Variants in SORCS2 observed in about 807,000 individuals in gnomAD.
SORCS2 encodes sortilin related VPS10 domain containing receptor 2, also known as VPS10 domain-containing receptor SorCS2.
A neutral mutation model predicts 141.6 loss-of-function variants in SORCS2; 100 were observed. The ratio of observed to expected loss-of-function variants is 0.71; its 90% confidence interval spans 0.60 to 0.83. The LOEUF is 0.83. Among genes scored for constraint, SORCS2 ranks in the 40% least tolerant of loss-of-function variants. SORCS2 has a pLI of 0.00. For missense variants in SORCS2, 1,646 were observed against 1,560.2 expected (o/e 1.05, Z -0.93); for synonymous variants, 789 against 676.9 (o/e 1.17, Z -2.57).
chr4:7,505,554 T>G (rs1732226702), intron 2 of SORCS2, among the ~76,000 whole-genome samples: 1 of 152,140 alleles, frequency 6.6e-6, no homozygotes, highest in Non-Finnish European at 1.5e-5. Flanking sequence ...CTGTCTCTCC[T>G]TTCTGCATAA....
intron 17 of SORCS2, among the ~76,000 whole-genome samples, chr4:7,716,499 C>T (rs1483685544): frequency 6.6e-6 from 1 of 152,120 alleles, no homozygotes; most frequent in East Asian, 1.9e-4. Flanking sequence ...CATTCAGTTA[C>T]CCATCCATCC....
chr4:7,257,492 G>A (rs1336532195), intron 1 of SORCS2, among the ~76,000 whole-genome samples: 1 of 152,130 alleles, frequency 6.6e-6, no homozygotes, highest in Non-Finnish European at 1.5e-5. Context: ...GCTCTTCCAG[G>A]CAGGGAGCCC....
At chr4:7,726,568 T>G (rs145629398) in intron 20 of SORCS2, among the ~76,000 whole-genome samples, 28,427 of 151,946 alleles carry the variant, frequency 0.19, 3,230 homozygotes, top group Admixed American at 0.35. Context: ...AACAAGACTC[T>G]GTCTCAAAAT....
At chr4:7,697,399 C>T (rs1370003485) in intron 12 of SORCS2, 125 bp downstream of exon 12, 2 of 839,990 alleles carry the variant, frequency 2.4e-6, no homozygotes, top group Non-Finnish European at 3.6e-6. Context: ...GCCATGTCTC[C>T]CATCTTGCAG....
At chr4:7,503,239 C>CATAT in intron 2 of SORCS2, among the ~76,000 whole-genome samples, 1 of 152,296 alleles carries the variant, frequency 6.6e-6, no homozygotes, top group East Asian at 1.9e-4. Flanking sequence ...AAAAGCCACA[C>CATAT]ATATATATGT....
intron 10 of SORCS2, among the ~76,000 whole-genome samples, chr4:7,685,344 G>A (rs1238782918): frequency 1.3e-5 from 2 of 152,136 alleles, no homozygotes; most frequent in Non-Finnish European, 2.9e-5. Context: ...AGAGCCAAGT[G>A]CATGGAGCCC....
chr4:7,296,297 C>T (rs1185059734), intron 1 of SORCS2, among the ~76,000 whole-genome samples: 1 of 152,232 alleles, frequency 6.6e-6, no homozygotes, highest in Non-Finnish European at 1.5e-5. Context: ...GCACTGTGTA[C>T]CCTGATTTTC....
intron 3 of SORCS2, among the ~76,000 whole-genome samples, chr4:7,547,944 C>T (rs964233492): frequency 6.6e-6 from 1 of 152,178 alleles, no homozygotes; most frequent in Non-Finnish European, 1.5e-5. Flanking sequence ...TGCCACGGCC[C>T]ACATGTCTGA....
chr4:7,724,619 G>T (rs1248784538), intron 19 of SORCS2, among the ~76,000 whole-genome samples: 3 of 61,628 alleles, frequency 4.9e-5, no homozygotes, highest in East Asian at 7.8e-4. Flanking sequence ...GTGCTGGTGA[G>T]GATGGTGATG....
intron 17 of SORCS2, among the ~76,000 whole-genome samples, chr4:7,715,855 C>T (rs1025986936): frequency 1.4e-4 from 22 of 152,208 alleles, no homozygotes; most frequent in African/African-American, 5.3e-4. Flanking sequence ...CCACTCCTGA[C>T]CCCGAGCCTG....
intron 8 of SORCS2, among the ~76,000 whole-genome samples, chr4:7,671,085 A>AT (rs1722772397): frequency 6.6e-6 from 1 of 152,228 alleles, no homozygotes; most frequent in South Asian, 2.1e-4. Flanking sequence ...ATGCCCAGGG[A>AT]AAAGCAGAGG....
chr4:7,718,299 GT>G, intron 18 of SORCS2, 116 bp downstream of exon 18: 1 of 1,200,178 alleles, frequency 8.3e-7, no homozygotes, highest in East Asian at 2.7e-5. Flanking sequence ...TCAGGGCATC[GT>G]CATCAGCCAG....
chr4:7,479,412 G>A (rs1381874517), intron 2 of SORCS2, among the ~76,000 whole-genome samples: 1 of 152,124 alleles, frequency 6.6e-6, no homozygotes, highest in African/African-American at 2.4e-5. Context: ...AAACAAACCT[G>A]CTCCAATTAG....
At chr4:7,466,511 A>T (rs997705968) in intron 2 of SORCS2, among the ~76,000 whole-genome samples, 1 of 152,162 alleles carries the variant, frequency 6.6e-6, no homozygotes, top group Admixed American at 6.5e-5. Flanking sequence ...AGACTGTGTC[A>T]TCTCTAACAC....
chr4:7,387,969 T>TGCACACACACAC (rs1256667647), intron 1 of SORCS2, among the ~76,000 whole-genome samples: 14 of 84,308 alleles, frequency 1.7e-4, no homozygotes, highest in Admixed American at 6.4e-4. Context: ...CACACACAGA[T>TGCACACACACAC]ACACAGAGAT....
Position 7,664,228 on chromosome 4 carries a change from AG to A in SORCS2, c.953-124del, listed in dbSNP as rs1722357028. 6.9e-6 allele frequency: 5 copies of A among 720,522 alleles called. No homozygotes were observed. In the South Asian group the frequency reaches 9.5e-5, roughly 14 times the overall value. 44.6% of individuals were successfully genotyped at this position (720,522 alleles called of 1,614,324 possible). On this transcript the variant is annotated intron_variant, in intron 6 of 26. Coordinates refer to ENST00000507866, the MANE Select transcript of SORCS2 (RefSeq NM_020777.3). This position sits in a 1 kb window ranked among gnomAD's most constrained non-coding sequence, Gnocchi z 4.7. ...CGCAGGTGTCATCACGGTGGCCTTT[AG>A]AATTCAAGCCCATGAAGCCACACCA...
At chr4:7,392,846 C>G (rs1173505808) in intron 1 of SORCS2, among the ~76,000 whole-genome samples, 1 of 151,878 alleles carries the variant, frequency 6.6e-6, no homozygotes, top group Non-Finnish European at 1.5e-5. Context: ...CGGTTCTGTG[C>G]CTCAGTTTCC....
At chr4:7,383,186 A>G (rs1484254184) in intron 1 of SORCS2, among the ~76,000 whole-genome samples, 1 of 152,086 alleles carries the variant, frequency 6.6e-6, no homozygotes, top group African/African-American at 2.4e-5. Flanking sequence ...ACGGAGCTCA[A>G]GAGGGCTCTG....
At chr4:7,640,489 T>C (rs911466859) in intron 4 of SORCS2, among the ~76,000 whole-genome samples, 2 of 112,882 alleles carry the variant, frequency 1.8e-5, no homozygotes, top group African/African-American at 3.4e-5. Context: ...AGAGAGAGCC[T>C]ATGTGAGCGT....
Sources: allele counts gnomAD v4.1 joint callset (sites outside exome capture counted in the v4.1 genomes callset), GRCh38; gene constraint gnomAD v4.1.1; non-coding constraint Gnocchi (gnomAD v3.1); transcripts MANE v1.5; gene names NCBI Gene and HGNC (gene_info 2026-07-23, HGNC 2026-07-21).